GADL1: variants seen among roughly 807,000 people sequenced by gnomAD.
GADL1 encodes GAD like acidic amino acid decarboxylase 1.
GADL1 carries 71 observed loss-of-function variants against 69.5 expected under a neutral mutation model. The ratio of observed to expected loss-of-function variants is 1.02; its 90% CI spans 0.84 to 1.25. The LOEUF (loss-of-function observed/expected upper bound fraction) is 1.25, where lower values mean the gene tolerates loss of function less well. GADL1 is among the 50% of genes most tolerant of loss of function. The pLI, the probability that GADL1 is intolerant of heterozygous loss-of-function variation, is 0.00. For synonymous variants in GADL1, 254 were observed against 214.4 expected (o/e 1.18, Z -1.62); for missense variants, 737 against 631.8 (o/e 1.17, Z -1.79).
At chr3:30,872,062 T>A (rs185492518) in intron 1 of GADL1, among the ~76,000 whole-genome samples, 16 of 151,974 alleles carry the variant, frequency 1.1e-4, no homozygotes, top group Non-Finnish European at 2.2e-4. Context: ...GATTGTCATA[T>A]TAATAAGGCA....
Position 30,857,084 on chromosome 3 carries a change from C to T in GADL1, c.268G>A (p.Asp90Asn), listed in dbSNP as rs555181893. The T allele has an allele frequency of 2.6e-6, 4 of 1,549,728 alleles. No homozygotes were observed. ...AGTTTATGGGGTGGCTCGCCTGAGT[C>T]TCTCATCTCCAAATCAAGAAGCTGT... ...LKQLLDLEMR[D>N]SGEPPHKLLE... The change falls in exon 3 of 15, where the codon GAC becomes AAC. Residue 90 changes from aspartate (D) to asparagine (N), a missense_variant. By Grantham distance (23) the Asp-to-Asn change is conservative. Transcript: ENST00000282538.
rs554467571 is a variant in GADL1, at chr3:30,801,038, C to A, written c.1101G>T (p.Gln367His). The change falls in exon 12 of 15, where the codon CAG becomes CAT. Residue 367 changes from glutamine to histidine, a missense_variant. Gln to His is a conservative substitution (Grantham distance 24). Coordinates refer to ENST00000282538, the MANE Select transcript of GADL1 (RefSeq NM_207359.3). Reference sequence around the variant, plus strand: ...CATAGCTCACATCATAGAATTTATCCTGCTGGAAGAGGTAAGATGCCTTGG... The same window carrying A: ...CATAGCTCACATCATAGAATTTATCATGCTGGAAGAGGTAAGATGCCTTGG... ...YSAKASYLFQ[Q>H]DKFYDVSYDT... The A allele has an allele frequency of 6.2e-7, 1 of 1,613,958 alleles. No homozygotes were observed. The highest frequency in any genetic ancestry group is 1.1e-5 in the South Asian group (1 of 91,074).
chr3:30,813,838 AAGT>A (rs1390415425), intron 11 of GADL1, among the ~76,000 whole-genome samples: 4 of 152,378 alleles, frequency 2.6e-5, no homozygotes, highest in African/African-American at 9.6e-5. Context: ...AACATTTAAG[AAGT>A]ACTTGGCAGA....
rs565087152 is a variant in GADL1, at chr3:30,811,651, G to A, written c.1051-10563C>T. On this transcript the variant is annotated intron_variant, in intron 11 of 14. Coordinates refer to ENST00000282538, the MANE Select transcript of GADL1 (RefSeq NM_207359.3). ...ATAGTACACATTATTACCACATGGA[G>A]TGCATACTGATTTTTTCTATTTCAG... Among the ~76,000 whole-genome samples the A allele has an allele frequency of 7.9e-5, 12 of 152,252 alleles. No homozygotes were observed. In the East Asian group the frequency reaches 2.1e-3, roughly 27 times the overall value.
At position 30,839,053 on chromosome 3, in the gene GADL1, G is replaced by T; in HGVS notation, c.847C>A (p.Pro283Thr). Residue 283 changes from proline (P) to threonine (T), a missense_variant, in exon 9 of 15, where the codon CCT becomes ACT. Coordinates refer to ENST00000282538, the MANE Select transcript of GADL1 (RefSeq NM_207359.3). ...SGTTVLGAFDPLDEIADICER... is the reference protein window; with the variant it reads ...SGTTVLGAFDTLDEIADICER... The stretch of plus-strand genomic sequence containing the variant: ...CAGATGTCTGCTATTTCATCCAGAG[G>T]GTCAAAAGCTCCCAACACAGTTGTA... 1 of 1,606,994 alleles carries T rather than the reference G, an allele frequency of 6.2e-7. No individual in the cohort carries two copies. Among genetic ancestry groups the T allele is most frequent in the Non-Finnish European group, 8.5e-7 (1 of 1,177,274 alleles).
intron 1 of GADL1, among the ~76,000 whole-genome samples, chr3:30,872,611 T>C (rs1698508733): frequency 6.6e-6 from 1 of 151,974 alleles, no homozygotes; most frequent in Admixed American, 6.6e-5. Context: ...CCCTAGGACA[T>C]GGTCTTGGTG....
At chr3:30,768,266 A>G (rs1421988459) in intron 14 of GADL1, among the ~76,000 whole-genome samples, 3 of 152,158 alleles carry the variant, frequency 2.0e-5, no homozygotes, top group Non-Finnish European at 4.4e-5. Flanking sequence ...TTCATCTGTT[A>G]TTGTTTACAA....
chr3:30,747,469 T>A (rs986866571), intron 14 of GADL1, among the ~76,000 whole-genome samples: 1 of 152,204 alleles, frequency 6.6e-6, no homozygotes, highest in African/African-American at 2.4e-5. Flanking sequence ...GTCTGACACC[T>A]CACAAACTTA....
chr3:30,840,176 C>T (rs1218889316), intron 8 of GADL1, among the ~76,000 whole-genome samples: 1 of 152,080 alleles, frequency 6.6e-6, no homozygotes, highest in Admixed American at 6.6e-5. Flanking sequence ...AAAGTGCATG[C>T]TCATTGCAAT....
chr3:30,893,936 T>A (rs1329590360), intron 1 of GADL1, among the ~76,000 whole-genome samples: 2 of 152,190 alleles, frequency 1.3e-5, no homozygotes, highest in African/African-American at 4.8e-5. Flanking sequence ...CGCCAACAAC[T>A]AGTTAGTGAG....
chr3:30,787,204 A>G (rs1696813098), intron 12 of GADL1, among the ~76,000 whole-genome samples: 1 of 147,000 alleles, frequency 6.8e-6, no homozygotes, highest in South Asian at 2.2e-4. Flanking sequence ...CAAGAAAAAA[A>G]ATTACCTGAA....
intron 11 of GADL1, among the ~76,000 whole-genome samples, chr3:30,802,706 T>C (rs1174113249): frequency 1.3e-5 from 2 of 152,052 alleles, no homozygotes; most frequent in African/African-American, 4.8e-5. Flanking sequence ...ATATATTCTA[T>C]TACAAAAAAG....
intron 14 of GADL1, among the ~76,000 whole-genome samples, chr3:30,753,999 G>A (rs1695902871): frequency 6.6e-6 from 1 of 152,092 alleles, no homozygotes. Context: ...TTCCCAAGGA[G>A]GACTGAGGTG....
chr3:30,728,136 C>T lies in GADL1; in HGVS notation c.*106G>A. 1 of 1,000,210 alleles carries T rather than the reference C, an allele frequency of 1.0e-6. No homozygotes were observed. The highest frequency in any genetic ancestry group is 1.9e-5 in the Admixed American group (1 of 51,386). The allele number at this position is 1,000,210 out of a possible 1,614,324, so 62.0% of individuals were successfully genotyped here. On this transcript the variant is annotated 3_prime_UTR_variant, in exon 15 of 15. Coordinates refer to ENST00000282538, the MANE Select transcript of GADL1 (RefSeq NM_207359.3). ...TGCTGGGCCTGGACTGGGAGTATTC[C>T]CTATTTCTCATCAGAAGGGCTGCAA... is the stretch of plus-strand genomic sequence containing the variant.
chr3:30,731,989 T>G (rs1278712478), intron 14 of GADL1, among the ~76,000 whole-genome samples: 1 of 152,210 alleles, frequency 6.6e-6, no homozygotes, highest in African/African-American at 2.4e-5. Context: ...CTGATTCCCA[T>G]AAATTCAAAT....
chr3:30,779,212 T>C (rs576807959), intron 13 of GADL1: 1 of 152,328 alleles, frequency 6.6e-6, no homozygotes, highest in South Asian at 2.1e-4. Flanking sequence ...GACATTATGT[T>C]GGGGGTTCAC....
chr3:30,846,272 T>G (rs564789130), intron 6 of GADL1, among the ~76,000 whole-genome samples: 2 of 152,214 alleles, frequency 1.3e-5, no homozygotes, highest in East Asian at 3.9e-4. Flanking sequence ...GATAAGTCAG[T>G]TGTTCTAAGA....
At chr3:30,810,149 C>G (rs1697324183) in intron 11 of GADL1, among the ~76,000 whole-genome samples, 1 of 152,154 alleles carries the variant, frequency 6.6e-6, no homozygotes, top group South Asian at 2.1e-4. Context: ...TCCAGTTTCT[C>G]AAAAACTGTG....
Position 30,784,767 on chromosome 3 carries a change from G to T in GADL1, c.1302+1588C>A, listed in dbSNP as rs193151995. On this transcript the variant is annotated intron_variant, in intron 13 of 14. Transcript: ENST00000282538. ...CTTTTAACATGCAAGTCAGACTCCT[G>T]TCTTCTTAAAACATCTCCAGTGACT... Among the ~76,000 whole-genome samples the T allele has an allele frequency of 5.6e-4, 85 of 152,232 alleles. 1 individual carries two copies. Among genetic ancestry groups the T allele is most frequent in the African/African-American group, 2.0e-3 (82 of 41,536 alleles).
Sources: gnomAD v4.1 joint callset for allele counts (sites outside exome capture counted in the v4.1 genomes callset) on GRCh38, gnomAD v4.1.1 for gene constraint, MANE v1.5 for transcripts, NCBI Gene and HGNC (gene_info 2026-07-23, HGNC 2026-07-21) for gene names.